Variants in TNKS observed in about 807,000 individuals in gnomAD.
TNKS encodes the protein tankyrase.
TNKS carries 72 observed loss-of-function variants against 135.8 expected under a neutral mutation model. That is an observed-to-expected ratio of 0.53 (90% CI 0.44 to 0.64). TNKS has a LOEUF of 0.64. TNKS is among the 30% of genes least tolerant of loss of function. TNKS has a pLI of 0.00. For synonymous variants in TNKS, 849 were observed against 649.3 expected, an observed-to-expected ratio of 1.31 and a Z score of -4.68; for missense variants, 1,769 against 1,674.0, an observed-to-expected ratio of 1.06 and a Z score of -0.99.
intron 25 of TNKS, among the ~76,000 whole-genome samples, chr8:9,769,612 C>CTTTTTTTTTTT (rs1163803220): frequency 4.1e-5 from 3 of 73,462 alleles, no homozygotes; most frequent in African/African-American, 5.5e-5. Flanking sequence ...CAGGCATTTT[C>CTTTTTTTTTTT]TTTTTTTTTT....
chr8:9,682,947 C>CA (rs1802844923), intron 5 of TNKS, among the ~76,000 whole-genome samples: 1 of 151,594 alleles, frequency 6.6e-6, no homozygotes, highest in South Asian at 2.1e-4. Context: ...ATAAATAATG[C>CA]AATAATGTTC....
intron 2 of TNKS, among the ~76,000 whole-genome samples, chr8:9,604,146 A>G (rs1799129654): frequency 6.6e-6 from 1 of 152,182 alleles, no homozygotes; most frequent in Non-Finnish European, 1.5e-5. Flanking sequence ...GTTGCAGGAT[A>G]CTATATATGC....
chr8:9,726,713 C>A lies in TNKS; in HGVS notation c.1994C>A (p.Thr665Asn). The change falls in exon 13 of 27, where the codon ACT (threonine) becomes AAT (asparagine). Residue 665 changes from threonine (T) to asparagine (N), a missense_variant. By Grantham distance (65) the Thr-to-Asn change is moderately conservative. Around this residue, in one of 5 missense-constraint regions of TNKS, gnomAD observed 523 missense variants for 541.0 expected, o/e 0.97. Transcript: ENST00000310430. The part of the protein sequence containing the change: ...LEASKAGDLE[T>N]VKQLCSSQNV... ...GCATCTAAAGCTGGAGACTTGGAAA[C>A]TGTGAAGGTAAGTCAGTGCCCTTAA... 3.1e-6 allele frequency: 5 copies of A among 1,612,872 alleles called. No homozygotes were observed. The East Asian group carries it at 6.7e-5, about 22-fold the overall frequency.
At chr8:9,671,829 C>A (rs907162534) in intron 3 of TNKS, among the ~76,000 whole-genome samples, 3 of 152,212 alleles carry the variant, frequency 2.0e-5, no homozygotes, top group Admixed American at 6.5e-5. Flanking sequence ...TTCAAGGTTT[C>A]AGTGACCTGT....
intron 25 of TNKS, among the ~76,000 whole-genome samples, chr8:9,768,828 C>A (rs1041093193): frequency 2.0e-5 from 3 of 152,146 alleles, no homozygotes; most frequent in Non-Finnish European, 4.4e-5. Context: ...TATAGTAGAC[C>A]AAGCCAGCAT....
rs116430943 is a variant in TNKS, at chr8:9,703,197, G to T, written c.1108-1466G>T. Among the ~76,000 whole-genome samples, 320 of 152,212 alleles carry T rather than the reference G, an allele frequency of 2.1e-3. 3 individuals carry two copies. Among genetic ancestry groups the T allele is most frequent in the African/African-American group, 7.5e-3 (313 of 41,502 alleles). On this transcript the variant is annotated intron_variant, in intron 5 of 26. Coordinates refer to ENST00000310430, the MANE Select transcript of TNKS (RefSeq NM_003747.3). ...CATAACTGAGATGGCTACTTAATTTGTAGCATCTTCAGTGTGGATATGCTG... is the reference window on the plus strand; with the variant it reads ...CATAACTGAGATGGCTACTTAATTTTTAGCATCTTCAGTGTGGATATGCTG...
chr8:9,674,072 C>T (rs1474435143), intron 3 of TNKS, among the ~76,000 whole-genome samples: 1 of 152,104 alleles, frequency 6.6e-6, no homozygotes, highest in Admixed American at 6.5e-5. Flanking sequence ...CTTTTTATAA[C>T]AATTTAGTAG....
chr8:9,609,889 G>A (rs946598344), intron 2 of TNKS, among the ~76,000 whole-genome samples: 16 of 151,938 alleles, frequency 1.1e-4, no homozygotes, highest in African/African-American at 3.1e-4. Flanking sequence ...GTGGAGTCTC[G>A]CTCTGTCGGC....
chr8:9,715,023 C>T (rs1804535447), intron 11 of TNKS, among the ~76,000 whole-genome samples: 1 of 151,952 alleles, frequency 6.6e-6, no homozygotes, highest in South Asian at 2.1e-4. Flanking sequence ...GAGGATTGCC[C>T]ATGTTTATAG....
chr8:9,630,555 CA>C lies in TNKS; in HGVS notation c.994+14884del, dbSNP rs575732373. On this transcript the variant is annotated intron_variant, in intron 3 of 26. Coordinates refer to ENST00000310430, the MANE Select transcript of TNKS (RefSeq NM_003747.3). ...TACTCTTCAAATAATTAGATAGTTA[CA>C]AAAAACCCCAGCAAATCCCCATCAC... Among the ~76,000 whole-genome samples the C allele has an allele frequency of 5.9e-4, 90 of 152,192 alleles. No individual in the cohort carries two copies. The South Asian group carries it at 9.1e-3, about 15-fold the overall frequency.
At chr8:9,586,728 T>TGG (rs1296536362) in intron 2 of TNKS, among the ~76,000 whole-genome samples, 1 of 118,346 alleles carries the variant, frequency 8.4e-6, no homozygotes, top group Non-Finnish European at 1.7e-5. Flanking sequence ...AAAACGTGTG[T>TGG]GTGTGTGTGT....
At chr8:9,595,994 C>T (rs1585210229) in intron 2 of TNKS, among the ~76,000 whole-genome samples, 1 of 152,116 alleles carries the variant, frequency 6.6e-6, no homozygotes, top group East Asian at 1.9e-4. Context: ...CACCTGTGGT[C>T]CTAGCTACTT....
chr8:9,760,052 G>C (rs1161710151), intron 20 of TNKS, among the ~76,000 whole-genome samples: 1 of 151,736 alleles, frequency 6.6e-6, no homozygotes, highest in Non-Finnish European at 1.5e-5. Flanking sequence ...ATAGATATGA[G>C]ACCCTTGGTT....
rs34443249 is a variant in TNKS at position 9,689,495 on chromosome 8, T to TA, written c.1107+8703dup. Among the ~76,000 whole-genome samples the TA allele has an allele frequency of 4.7e-3, 722 of 152,006 alleles. 8 individuals carry two copies. The highest frequency in any genetic ancestry group is 0.017 in the African/African-American group (686 of 41,456). ...TAAAATGTTTTATATTTTGATTTTA[T>TA]AAAAAAAATGCTTTAATTTGTTAAT... is the stretch of plus-strand genomic sequence containing the variant. On this transcript the variant is annotated intron_variant, in intron 5 of 26. Coordinates refer to ENST00000310430, the MANE Select transcript of TNKS (RefSeq NM_003747.3).
chr8:9,734,330 A>G (rs1353266846), intron 15 of TNKS, among the ~76,000 whole-genome samples: 3 of 152,210 alleles, frequency 2.0e-5, no homozygotes, highest in African/African-American at 7.2e-5. Flanking sequence ...TTAAACTTTT[A>G]AAATCTATAA....
intron 17 of TNKS, among the ~76,000 whole-genome samples, chr8:9,740,725 G>T (rs1470880855): frequency 1.3e-5 from 2 of 151,104 alleles, no homozygotes; most frequent in African/African-American, 2.4e-5. Context: ...TTCACATAAG[G>T]TTCTCAATTT....
At chr8:9,616,367 A>C (rs560286057) in intron 3 of TNKS, among the ~76,000 whole-genome samples, 1 of 151,988 alleles carries the variant, frequency 6.6e-6, no homozygotes, top group African/African-American at 2.4e-5. Context: ...GCTGCATTGG[A>C]TCTATTTTTG....
At chr8:9,667,339 A>T (rs1802042794) in intron 3 of TNKS, among the ~76,000 whole-genome samples, 1 of 152,238 alleles carries the variant, frequency 6.6e-6, no homozygotes, top group African/African-American at 2.4e-5. Context: ...AACAAAGCGT[A>T]TTGTGATTTA....
intron 3 of TNKS, among the ~76,000 whole-genome samples, chr8:9,657,883 A>T (rs1448310057): frequency 4.4e-5 from 6 of 135,058 alleles, no homozygotes; most frequent in Admixed American, 7.2e-5. Flanking sequence ...CACTTCTCAG[A>T]CGGGGTGGTT....
Sources: gnomAD v4.1 joint callset for allele counts (sites outside exome capture counted in the v4.1 genomes callset) on GRCh38, gnomAD v4.1.1 for gene constraint, gnomAD v4.1.1 regional missense constraint, MANE v1.5 for transcripts, NCBI Gene and HGNC (gene_info 2026-07-23, HGNC 2026-07-21) for gene names.